MYO19: variants seen among roughly 807,000 people sequenced by gnomAD.
The protein encoded by MYO19 is unconventional myosin-XIX.
MYO19 carries 132 observed loss-of-function variants against 129.2 expected under a neutral mutation model. That is an observed-to-expected ratio of 1.02 (90% confidence interval 0.89 to 1.18). The LOEUF is 1.18. Ranked by LOEUF, MYO19 falls within the 50% of genes most tolerant of loss-of-function variation. The pLI is 0.00. For synonymous variants in MYO19, 531 were observed against 477.2 expected, an observed-to-expected ratio of 1.11 and a Z score of -1.47; for missense variants, 1,210 against 1,216.7, an observed-to-expected ratio of 0.99 and a Z score of 0.08.
At chr17:36,520,646 G>A (rs2073076302) in intron 6 of MYO19, among the ~76,000 whole-genome samples, 1 of 152,130 alleles carries the variant, frequency 6.6e-6, no homozygotes. Context: ...AAGTGAAGAT[G>A]ACAGTGATGA....
chr17:36,507,158 G>A lies in MYO19; in HGVS notation c.1468-19C>T, dbSNP rs188736607. Reference sequence around the variant, plus strand: ...GGCATTCCTGTGGGATGGGAACAGGGGGTCAGCCACCAACATGAGAGTGTC... The same window carrying A: ...GGCATTCCTGTGGGATGGGAACAGGAGGTCAGCCACCAACATGAGAGTGTC... On this transcript the variant is annotated intron_variant, in intron 16 of 25. Coordinates refer to ENST00000614623, the MANE Select transcript of MYO19 (RefSeq NM_001163735.2). 1.3e-6 allele frequency: 2 copies of A among 1,591,188 alleles called. No homozygotes were observed. Among genetic ancestry groups the A allele is most frequent in the African/African-American group, 1.3e-5 (1 of 74,662 alleles).
chr17:36,519,278 T>C (rs1376224147), intron 6 of MYO19, among the ~76,000 whole-genome samples: 3 of 152,252 alleles, frequency 2.0e-5, no homozygotes, highest in Non-Finnish European at 2.9e-5. Flanking sequence ...GGTACACACC[T>C]GTTTAGAACT....
Position 36,524,652 on chromosome 17 carries a change from C to T in MYO19, c.414+576G>A, listed in dbSNP as rs145887373. Among the ~76,000 whole-genome samples the T allele has an allele frequency of 4.3e-4, 66 of 152,334 alleles. 2 individuals are homozygous for T. The East Asian group carries it at 8.1e-3, about 19-fold the overall frequency. On this transcript the variant is annotated intron_variant, in intron 6 of 25. Transcript: ENST00000614623. ...CCAATATACTGCCCTTGCCACCATGCGCAACCCAGAGGGTTCAGGTGGTTT... is the reference window on the plus strand; with the variant it reads ...CCAATATACTGCCCTTGCCACCATGTGCAACCCAGAGGGTTCAGGTGGTTT...
chr17:36,513,435 G>A lies in MYO19; in HGVS notation c.888C>T (p.Ile296=), dbSNP rs564183487. The change falls in exon 11 of 26, where the codon ATC becomes ATT. Residue 296 remains isoleucine, a synonymous_variant. Coordinates refer to ENST00000614623, the MANE Select transcript of MYO19 (RefSeq NM_001163735.2). ...LGIDTPTQNN[I]FKVLAGLLHL... is the part of the protein sequence containing the mutation. ...GCGTGGCTTTTCTTCTGACCTTAAA[G>A]ATGTTGTTCTGGGTAGGGGTGTCAA... The A allele has an allele frequency of 3.1e-6, 5 of 1,613,952 alleles. No homozygotes were observed. Among genetic ancestry groups the A allele is most frequent in the Non-Finnish European group, 4.2e-6 (5 of 1,179,918 alleles).
chr17:36,500,084 C>T (rs1229439532), intron 23 of MYO19: 5 of 152,070 alleles, frequency 3.3e-5, no homozygotes, highest in African/African-American at 1.2e-4. Context: ...TATGAAATTC[C>T]TGGGCTCAAG....
rs374387160 is a variant in MYO19, at chr17:36,510,739, T to C, written c.1157+7A>G. ...CTCCCCAACAAGGGGCCAGAGTAAC[T>C]GCTCACCGCGCATAGATCAGTTTGG... On this transcript the variant is annotated splice_region_variant and intron_variant, in intron 13 of 25. Coordinates refer to ENST00000614623, the MANE Select transcript of MYO19 (RefSeq NM_001163735.2). 6.3e-7 allele frequency: 1 copy of C among 1,590,424 alleles called. No homozygotes were observed. The highest frequency in any genetic ancestry group is 8.6e-7 in the Non-Finnish European group (1 of 1,164,502).
chr17:36,531,084 T>C (rs1366926706), intron 3 of MYO19, among the ~76,000 whole-genome samples: 3 of 150,106 alleles, frequency 2.0e-5, no homozygotes, highest in Non-Finnish European at 4.4e-5. Flanking sequence ...TAAAAATAAA[T>C]AAACAAAAAT....
chr17:36,518,595 T>A (rs142455165), intron 6 of MYO19, among the ~76,000 whole-genome samples: 8,024 of 137,510 alleles, frequency 0.058, 486 homozygotes, highest in African/African-American at 0.14. Context: ...AGTATGTATA[T>A]ATATATAAAA....
At chr17:36,524,407 C>T (rs1297868844) in intron 6 of MYO19, among the ~76,000 whole-genome samples, 3 of 152,144 alleles carry the variant, frequency 2.0e-5, no homozygotes, top group East Asian at 3.8e-4. Context: ...AGTTTATGGT[C>T]CAAAGAGTTC....
chr17:36,505,353 T>C lies in MYO19; in HGVS notation c.1849A>G (p.Ile617Val), dbSNP rs1352972796. The change falls in exon 19 of 26, where the codon ATT becomes GTT. Residue 617 changes from isoleucine to valine, a missense_variant. Coordinates refer to ENST00000614623, the MANE Select transcript of MYO19 (RefSeq NM_001163735.2). ...TGGCTGTTGGGCTTGATGCAGCGAA[T>C]GTAGTGGGGCGTGGTGCTGTGTAGG... ...QVLHSTTPHY[I>V]RCIKPNSQGQ... is the part of the protein sequence containing the mutation. 6.2e-7 allele frequency: 1 copy of C among 1,614,246 alleles called. No homozygotes were observed. Among genetic ancestry groups the C allele is most frequent in the Middle Eastern group, 1.6e-4 (1 of 6,062 alleles).
chr17:36,533,716 C>T (rs532620878), intron 2 of MYO19: 1 of 152,314 alleles, frequency 6.6e-6, no homozygotes, highest in East Asian at 1.9e-4. Context: ...CTGACTGTAC[C>T]CCATCCAAGG....
At chr17:36,499,195 T>C (rs1204600767) in intron 23 of MYO19, 35 bp from the exon 24 acceptor site, 5 of 1,535,298 alleles carry the variant, frequency 3.3e-6, no homozygotes, top group Non-Finnish European at 4.4e-6. Context: ...AAAGAGATAA[T>C]AAAGGGGCCA....
upstream of MYO19, chr17:36,535,558 T>G (rs1299719009): frequency 6.6e-6 from 1 of 152,242 alleles, no homozygotes; most frequent in Non-Finnish European, 1.5e-5. Context: ...CCTTCCCACG[T>G]AGACCGTCTG....
intron 16 of MYO19, 94 bp from the exon 17 acceptor site, chr17:36,507,233 A>G (rs1038716063): frequency 5.9e-6 from 9 of 1,519,452 alleles, no homozygotes; most frequent in African/African-American, 1.4e-5. Flanking sequence ...GACAGCAGAC[A>G]TCACACAGGC....
intron 25 of MYO19, among the ~76,000 whole-genome samples, chr17:36,497,058 G>A (rs544640886): frequency 2.6e-5 from 4 of 152,136 alleles, no homozygotes; most frequent in East Asian, 1.9e-4. Flanking sequence ...AGCTGGGCAC[G>A]GTGGCTCACA....
At chr17:36,516,367 A>T (rs902820201) in intron 6 of MYO19, among the ~76,000 whole-genome samples, 2 of 152,240 alleles carry the variant, frequency 1.3e-5, no homozygotes, top group African/African-American at 4.8e-5. Flanking sequence ...TTTATACCCA[A>T]GCAGTCTAAC....
chr17:36,498,446 T>G lies in MYO19; in HGVS notation c.2577A>C (p.Ala859=). Residue 859 remains alanine (A), a synonymous_variant, in exon 25 of 26, where the codon GCA becomes GCC. Transcript: ENST00000614623. ...TSPLQTRLLE[A]IIRLWPLGLV... ...GTCCCAGGGGCCAGAGGCGGATTAT[T>G]GCCTCCAGGAGCCTGGTCTGCAGCG... 6.2e-7 allele frequency: 1 copy of G among 1,613,986 alleles called. No homozygotes were observed. Among genetic ancestry groups the G allele is most frequent in the South Asian group, 1.1e-5 (1 of 91,088 alleles).
intron 5 of MYO19, among the ~76,000 whole-genome samples, chr17:36,526,866 G>A (rs1469209039): frequency 5.3e-5 from 8 of 152,048 alleles, no homozygotes; most frequent in Non-Finnish European, 1.5e-5. Context: ...CAGCCTGGGT[G>A]ACAGGGAGAG....
intron 6 of MYO19, among the ~76,000 whole-genome samples, chr17:36,520,745 T>C (rs2073082712): frequency 6.6e-6 from 1 of 152,232 alleles, no homozygotes; most frequent in Non-Finnish European, 1.5e-5. Flanking sequence ...GCTTATTTTA[T>C]TGGAAGAATA....
Sources: allele counts gnomAD v4.1 joint callset (sites outside exome capture counted in the v4.1 genomes callset), GRCh38; gene constraint gnomAD v4.1.1; transcripts MANE v1.5; gene names NCBI Gene and HGNC (gene_info 2026-07-23, HGNC 2026-07-21).